CDC42BPB: variants seen among roughly 807,000 people sequenced by gnomAD.
CDC42BPB encodes the protein CDC42 binding protein kinase beta.
Under a neutral mutation model 214.9 loss-of-function variants are expected in CDC42BPB, and 37 were observed. The observed-to-expected ratio is 0.17, with a 90% confidence interval of 0.13 to 0.23. The LOEUF is 0.23. Ranked by LOEUF, CDC42BPB falls within the 10% of genes least tolerant of loss-of-function variation. CDC42BPB has a pLI of 1.00. For missense variants in CDC42BPB, 1,694 were observed against 2,227.0 expected (o/e 0.76, Z 4.82); for synonymous variants, 931 against 884.0 (o/e 1.05, Z -0.94).
At chr14:103,045,414 T>C (rs182535019) in intron 1 of CDC42BPB, among the ~76,000 whole-genome samples, 1 of 152,278 alleles carries the variant, frequency 6.6e-6, no homozygotes, top group East Asian at 1.9e-4. Flanking sequence ...AGCCCAGCTG[T>C]GAACAGCCCC....
At chr14:103,045,840 A>T (rs1888256703) in intron 1 of CDC42BPB, among the ~76,000 whole-genome samples, 1 of 152,218 alleles carries the variant, frequency 6.6e-6, no homozygotes, top group African/African-American at 2.4e-5. Flanking sequence ...GGACAACGTG[A>T]GCTCCAGGAG....
intron 4 of CDC42BPB, 38 bp from the exon 5 acceptor site, chr14:102,999,751 T>A (rs1015397164): frequency 6.5e-5 from 105 of 1,612,974 alleles, no homozygotes; most frequent in Non-Finnish European, 8.8e-5. Flanking sequence ...AATACCACAT[T>A]TAGTCACCAC....
chr14:102,951,767 A>G (rs892785720), intron 24 of CDC42BPB, among the ~76,000 whole-genome samples: 1 of 152,256 alleles, frequency 6.6e-6, no homozygotes, highest in African/African-American at 2.4e-5. Flanking sequence ...AGCCTGGGCA[A>G]CAGAGTCAAA....
At chr14:103,030,805 G>A (rs1192524101) in intron 1 of CDC42BPB, among the ~76,000 whole-genome samples, 5 of 152,144 alleles carry the variant, frequency 3.3e-5, no homozygotes, top group Non-Finnish European at 7.3e-5. Flanking sequence ...GCAACATGGC[G>A]AAAGCCCGTC....
chr14:103,051,319 C>T (rs1312987504), intron 1 of CDC42BPB, among the ~76,000 whole-genome samples: 1 of 150,736 alleles, frequency 6.6e-6, no homozygotes, highest in East Asian at 1.9e-4. Flanking sequence ...CATCCCATAA[C>T]ACTAAGAATC....
intron 1 of CDC42BPB, among the ~76,000 whole-genome samples, chr14:103,029,858 C>CAAAAAAAAAAAA (rs11299296): frequency 1.6e-5 from 1 of 62,358 alleles, no homozygotes. Context: ...ACTCCATCTC[C>CAAAAAAAAAAAA]AAAAAAAAAA....
At chr14:102,985,637 G>A (rs1894211420) in intron 6 of CDC42BPB, among the ~76,000 whole-genome samples, 1 of 152,248 alleles carries the variant, frequency 6.6e-6, no homozygotes, top group African/African-American at 2.4e-5. Flanking sequence ...GTCAACTGAA[G>A]CCAGTCACAT....
intron 1 of CDC42BPB, among the ~76,000 whole-genome samples, chr14:103,053,529 A>G (rs547479303): frequency 1.8e-4 from 28 of 152,040 alleles, no homozygotes; most frequent in Admixed American, 6.6e-4. Context: ...TGGGAGGCCA[A>G]GGGGGGCAGA....
intron 12 of CDC42BPB, 150 bp downstream of exon 12, chr14:102,973,866 G>T: frequency 9.9e-7 from 1 of 1,010,854 alleles, no homozygotes; most frequent in East Asian, 2.9e-5. Context: ...CAGGGGCCCC[G>T]GGGCCAGGCT....
intron 35 of CDC42BPB, 62 bp from the exon 36 acceptor site, chr14:102,938,236 G>A (rs1390726677): frequency 6.2e-7 from 1 of 1,603,086 alleles, no homozygotes. Flanking sequence ...AAATGCCTGG[G>A]GTCTCCCCAT....
intron 19 of CDC42BPB, among the ~76,000 whole-genome samples, chr14:102,963,898 C>T (rs1297032382): frequency 6.6e-6 from 1 of 152,234 alleles, no homozygotes; most frequent in East Asian, 1.9e-4. Context: ...CCTTCCAGGT[C>T]CTCGCCTGCC....
At chr14:102,953,414 T>G (rs1261702681) in intron 23 of CDC42BPB, among the ~76,000 whole-genome samples, 1 of 152,234 alleles carries the variant, frequency 6.6e-6, no homozygotes, top group Non-Finnish European at 1.5e-5. Context: ...CCTCGCGACT[T>G]GGTCCCTGAC....
chr14:103,044,239 CT>C (rs1888165065), intron 1 of CDC42BPB, among the ~76,000 whole-genome samples: 1 of 152,030 alleles, frequency 6.6e-6, no homozygotes, highest in Non-Finnish European at 1.5e-5. Context: ...ATTATTATTA[CT>C]TTTTGGAGAC....
At chr14:102,988,903 G>A (rs1356226040) in intron 5 of CDC42BPB, among the ~76,000 whole-genome samples, 2 of 145,936 alleles carry the variant, frequency 1.4e-5, no homozygotes, top group Non-Finnish European at 1.5e-5. Flanking sequence ...AAACCAACAC[G>A]TGGGTTTTCT....
At chr14:102,972,384 C>T (rs1893516602) in intron 12 of CDC42BPB, 2 of 959,646 alleles carry the variant, frequency 2.1e-6, no homozygotes, top group South Asian at 4.8e-5. Context: ...AGACCAACTG[C>T]ACACCAAGAA....
chr14:102,944,505 A>G lies in CDC42BPB; in HGVS notation c.3812-18T>C. 2 of 1,601,528 alleles carry G rather than the reference A, an allele frequency of 1.2e-6. No homozygotes were observed. Among genetic ancestry groups the G allele is most frequent in the Non-Finnish European group, 1.7e-6 (2 of 1,172,226 alleles). On this transcript the variant is annotated intron_variant, in intron 29 of 36. Transcript: ENST00000361246. The surrounding 1 kb of genome is among the most constrained non-coding windows in gnomAD (Gnocchi z 6.6). ...GACGATCACTGTGGCAAGGAGGACA[A>G]GAGCGTGAGGCCGACGGGACAGCCA... is the stretch of plus-strand genomic sequence containing the variant.
intron 1 of CDC42BPB, among the ~76,000 whole-genome samples, chr14:103,020,037 C>T (rs1206510091): frequency 6.6e-6 from 1 of 152,208 alleles, no homozygotes; most frequent in Non-Finnish European, 1.5e-5. Flanking sequence ...GGAAAGAGGA[C>T]GGTGTCAAGA....
chr14:103,014,180 A>G (rs1359770839), intron 1 of CDC42BPB, among the ~76,000 whole-genome samples: 1 of 151,562 alleles, frequency 6.6e-6, no homozygotes, highest in Non-Finnish European at 1.5e-5. Flanking sequence ...AAAAAAAAAA[A>G]AAAAAAGCTC....
At position 103,057,180 on chromosome 14, in the gene CDC42BPB, G is replaced by A; in HGVS notation, c.-7C>T. ...GCCGCACCTTGGCCGACATGGTGCC[G>A]CGCGGCCCGCTCCCGACGCGCCGGC... On this transcript the variant is annotated 5_prime_UTR_variant, in exon 1 of 37. Coordinates refer to ENST00000361246, the MANE Select transcript of CDC42BPB (RefSeq NM_006035.4). The A allele has an allele frequency of 2.8e-6, 4 of 1,408,304 alleles. No individual in the cohort carries two copies. Among genetic ancestry groups the A allele is most frequent in the Middle Eastern group, 2.3e-4 (1 of 4,376 alleles). 87.2% of individuals were successfully genotyped at this position (1,408,304 alleles called of 1,614,324 possible).
Sources: gnomAD v4.1 joint callset for allele counts (sites outside exome capture counted in the v4.1 genomes callset) on GRCh38, gnomAD v4.1.1 for gene constraint, Gnocchi (gnomAD v3.1) non-coding constraint, MANE v1.5 for transcripts, NCBI Gene and HGNC (gene_info 2026-07-23, HGNC 2026-07-21) for gene names.